The following SNTG1 variants were observed in gnomAD, a reference collection of about 807,000 sequenced individuals.
The protein encoded by SNTG1 is gamma-1-syntrophin.
SNTG1 carries 39 observed loss-of-function variants against 74.7 expected under a neutral mutation model. That is an observed-to-expected ratio of 0.52 (90% confidence interval 0.40 to 0.68). SNTG1 has a LOEUF of 0.68. SNTG1 is among the 30% of genes least tolerant of loss of function. SNTG1 has a pLI of 0.00. For synonymous variants in SNTG1, 254 were observed against 217.1 expected, an observed-to-expected ratio of 1.17 and a Z score of -1.49; for missense variants, 685 against 609.5, an observed-to-expected ratio of 1.12 and a Z score of -1.30.
chr8:50,192,829 A>G (rs2083624370), intron 2 of SNTG1, among the ~76,000 whole-genome samples: 1 of 152,114 alleles, frequency 6.6e-6, no homozygotes, highest in South Asian at 2.1e-4. Flanking sequence ...TTTTTGTATA[A>G]GGTGAGAGAT....
At chr8:50,068,210 A>C (rs1295253059) in intron 1 of SNTG1, among the ~76,000 whole-genome samples, 2 of 152,112 alleles carry the variant, frequency 1.3e-5, no homozygotes, top group African/African-American at 2.4e-5. Flanking sequence ...TCCTAATTAC[A>C]ACCTCTGTGG....
chr8:50,058,464 A>G (rs71511980), intron 1 of SNTG1, among the ~76,000 whole-genome samples: 336 of 152,208 alleles, frequency 2.2e-3, no homozygotes, highest in Non-Finnish European at 3.3e-3. Context: ...TGATTTTTGG[A>G]GTGGCACAGC....
intron 1 of SNTG1, among the ~76,000 whole-genome samples, chr8:49,921,959 C>T (rs1301522139): frequency 6.6e-6 from 1 of 152,098 alleles, no homozygotes; most frequent in Non-Finnish European, 1.5e-5. Flanking sequence ...ATAACGGTGT[C>T]TCTTTTTATT....
intron 17 of SNTG1, among the ~76,000 whole-genome samples, chr8:50,712,038 G>C (rs947176227): frequency 6.6e-6 from 1 of 152,088 alleles, no homozygotes; most frequent in Non-Finnish European, 1.5e-5. Context: ...TATAGTGATA[G>C]AGTTCCTAGT....
At chr8:50,297,207 C>G (rs1010723180) in intron 2 of SNTG1, among the ~76,000 whole-genome samples, 1 of 152,006 alleles carries the variant, frequency 6.6e-6, no homozygotes, top group Non-Finnish European at 1.5e-5. Context: ...TTTTACAAAC[C>G]CTAGTGGATG....
chr8:50,320,872 G>A (rs923470061), intron 2 of SNTG1, among the ~76,000 whole-genome samples: 4 of 152,040 alleles, frequency 2.6e-5, no homozygotes, highest in African/African-American at 7.2e-5. Context: ...TGTGCTCAGA[G>A]AACATACATG....
At chr8:50,680,909 G>A (rs2095328360) in intron 15 of SNTG1, among the ~76,000 whole-genome samples, 4 of 152,072 alleles carry the variant, frequency 2.6e-5, no homozygotes, top group Admixed American at 1.3e-4. Flanking sequence ...TCTGAGAACA[G>A]GTGTTTATTC....
chr8:50,706,445 G>T (rs140056184), intron 16 of SNTG1, among the ~76,000 whole-genome samples: 1 of 151,902 alleles, frequency 6.6e-6, no homozygotes, highest in Non-Finnish European at 1.5e-5. Flanking sequence ...AGTCCACTTC[G>T]CTTGGAAACA....
intron 4 of SNTG1, among the ~76,000 whole-genome samples, chr8:50,421,743 C>T (rs1368170835): frequency 6.6e-6 from 1 of 152,052 alleles, no homozygotes; most frequent in African/African-American, 2.4e-5. Context: ...GCTGAAAGAT[C>T]ACTGACATGA....
chr8:50,093,487 C>T (rs1254957678), intron 1 of SNTG1, among the ~76,000 whole-genome samples: 2 of 152,040 alleles, frequency 1.3e-5, no homozygotes, highest in Admixed American at 6.6e-5. Context: ...ACTAGCCACT[C>T]CTGAGTGGTT....
chr8:50,728,317 C>G (rs2095505030), intron 17 of SNTG1, among the ~76,000 whole-genome samples: 1 of 152,146 alleles, frequency 6.6e-6, no homozygotes, highest in Admixed American at 6.5e-5. Context: ...CCGAGGGCAC[C>G]ACTAGGTGTC....
At chr8:50,163,078 G>A (rs2082480601) in intron 1 of SNTG1, among the ~76,000 whole-genome samples, 1 of 152,084 alleles carries the variant, frequency 6.6e-6, no homozygotes, top group Admixed American at 6.5e-5. Context: ...ATAAGCAACT[G>A]GCTAGGTCCC....
At chr8:50,130,806 A>G (rs2081292313) in intron 1 of SNTG1, among the ~76,000 whole-genome samples, 1 of 152,082 alleles carries the variant, frequency 6.6e-6, no homozygotes, top group Non-Finnish European at 1.5e-5. Context: ...ACTACATAAA[A>G]CAGAAGCAAA....
intron 15 of SNTG1, among the ~76,000 whole-genome samples, chr8:50,662,154 C>T (rs1025964621): frequency 1.3e-5 from 2 of 152,122 alleles, no homozygotes; most frequent in Non-Finnish European, 2.9e-5. Flanking sequence ...CAGCCCAGCC[C>T]TCTCCTGCCA....
At chr8:50,627,277 A>G (rs2094962772) in intron 13 of SNTG1, among the ~76,000 whole-genome samples, 2 of 152,324 alleles carry the variant, frequency 1.3e-5, no homozygotes, top group Non-Finnish European at 2.9e-5. Context: ...TTTAACAGAT[A>G]AATTTACTTT....
intron 12 of SNTG1, among the ~76,000 whole-genome samples, chr8:50,579,040 A>G (rs2094593382): frequency 6.6e-6 from 1 of 152,132 alleles, no homozygotes; most frequent in Non-Finnish European, 1.5e-5. Flanking sequence ...CTTCCTAGAG[A>G]CTTAGAGGGC....
chr8:50,029,627 A>G (rs1368688430), intron 1 of SNTG1, among the ~76,000 whole-genome samples: 1 of 152,070 alleles, frequency 6.6e-6, no homozygotes, highest in Non-Finnish European at 1.5e-5. Flanking sequence ...TGCCTTGCTC[A>G]TTTCACCTAA....
intron 1 of SNTG1, among the ~76,000 whole-genome samples, chr8:50,168,121 G>A (rs1586565787): frequency 3.3e-5 from 5 of 152,010 alleles, no homozygotes; most frequent in Admixed American, 2.0e-4. Flanking sequence ...ACTTAAGCAA[G>A]TTAAATCATT....
At chr8:50,228,143 T>C (rs1218424805) in intron 2 of SNTG1, among the ~76,000 whole-genome samples, 2 of 151,388 alleles carry the variant, frequency 1.3e-5, no homozygotes, top group Middle Eastern at 3.2e-3. Context: ...TAAAAGAAAA[T>C]GTAAGAATCA....
Sources: gnomAD v4.1 joint callset for allele counts (sites outside exome capture counted in the v4.1 genomes callset) on GRCh38, gnomAD v4.1.1 for gene constraint, MANE v1.5 for transcripts, NCBI Gene and HGNC (gene_info 2026-07-23, HGNC 2026-07-21) for gene names.